The following THADA variants were observed in gnomAD, a reference collection of about 807,000 sequenced individuals.
The protein encoded by THADA is tRNA (32-2'-O)-methyltransferase regulator THADA.
Under a neutral mutation model 219.8 loss-of-function variants are expected in THADA, and 213 were observed. The ratio of observed to expected loss-of-function variants is 0.97; its 90% CI spans 0.87 to 1.09. The LOEUF (loss-of-function observed/expected upper bound fraction) is 1.09. Ranked by LOEUF, THADA falls within the 50% of genes least tolerant of loss-of-function variation. The pLI is 0.00. For missense variants in THADA, 2,956 were observed against 2,311.3 expected, an observed-to-expected ratio of 1.28 and a Z score of -5.72; for synonymous variants, 1,018 against 828.9, an observed-to-expected ratio of 1.23 and a Z score of -3.92.
chr2:43,490,673 T>C (rs980796245), intron 25 of THADA, among the ~76,000 whole-genome samples: 2 of 152,178 alleles, frequency 1.3e-5, no homozygotes, highest in African/African-American at 4.8e-5. Context: ...TGTGGTATAG[T>C]ACACTAACGT....
At chr2:43,364,712 A>T (rs972409644) in intron 29 of THADA, among the ~76,000 whole-genome samples, 8 of 152,212 alleles carry the variant, frequency 5.3e-5, no homozygotes, top group Non-Finnish European at 1.2e-4. Flanking sequence ...ATCTGCTTAT[A>T]TGCCTTCCAA....
chr2:43,339,336 A>G (rs1666824693), intron 30 of THADA, among the ~76,000 whole-genome samples: 1 of 152,230 alleles, frequency 6.6e-6, no homozygotes, highest in Non-Finnish European at 1.5e-5. Context: ...GTTGGAATGC[A>G]GTGGCATGAT....
chr2:43,398,269 T>C, intron 28 of THADA, 130 bp from the exon 29 acceptor site: 1 of 881,894 alleles, frequency 1.1e-6, no homozygotes, highest in Admixed American at 2.7e-5. Context: ...CTGCTCCTTA[T>C]CCCAAATGAT....
chr2:43,558,253 A>G (rs1430694986), intron 16 of THADA, among the ~76,000 whole-genome samples: 1 of 152,228 alleles, frequency 6.6e-6, no homozygotes, highest in Non-Finnish European at 1.5e-5. Context: ...ACGTATGTAC[A>G]CGTCCTTAGA....
At chr2:43,541,655 T>A (rs1313595536) in intron 20 of THADA, among the ~76,000 whole-genome samples, 1 of 152,030 alleles carries the variant, frequency 6.6e-6, no homozygotes. Flanking sequence ...ACTACAGGTA[T>A]GCGCCACCAC....
chr2:43,347,927 A>G (rs760382487), intron 29 of THADA, among the ~76,000 whole-genome samples: 14 of 152,098 alleles, frequency 9.2e-5, no homozygotes, highest in Non-Finnish European at 1.6e-4. Flanking sequence ...TTCTTCAGAG[A>G]GTGCTGTTGG....
At chr2:43,381,392 C>G (rs376456282) in intron 29 of THADA, among the ~76,000 whole-genome samples, 14 of 152,086 alleles carry the variant, frequency 9.2e-5, no homozygotes, top group Admixed American at 2.0e-4. Flanking sequence ...ATACTCCCCC[C>G]ACCCAGCCTC....
At position 43,323,685 on chromosome 2, in the gene THADA, C is replaced by T. The variant is rs1035030327; in HGVS notation, c.4344-3145G>A. ...TTTTGACTAGTTTTGGAGACAAAAA[C>T]AAAGACAAACTTCAGAATAGGATGT... On this transcript the variant is annotated intron_variant, in intron 30 of 37. Transcript: ENST00000405975. Among the ~76,000 whole-genome samples, 3 of 152,092 alleles carry T rather than the reference C, an allele frequency of 2.0e-5. No homozygotes were observed. In the South Asian group the frequency reaches 6.2e-4, roughly 32 times the overall value.
intron 26 of THADA, among the ~76,000 whole-genome samples, chr2:43,444,354 C>T (rs528697936): frequency 3.7e-4 from 56 of 152,292 alleles, no homozygotes; most frequent in Admixed American, 1.0e-3. Flanking sequence ...TACATTCCTC[C>T]GGAGCACTAA....
At chr2:43,355,107 A>T (rs1393013169) in intron 29 of THADA, among the ~76,000 whole-genome samples, 2 of 152,216 alleles carry the variant, frequency 1.3e-5, no homozygotes, top group African/African-American at 4.8e-5. Context: ...GCTTGAGAAC[A>T]AACTAATACA....
At chr2:43,296,857 G>T (rs952710133) in intron 31 of THADA, among the ~76,000 whole-genome samples, 2 of 147,116 alleles carry the variant, frequency 1.4e-5, no homozygotes, top group Non-Finnish European at 3.0e-5. Context: ...CCGGGAGGCA[G>T]CGGCTGGAGG....
At chr2:43,387,328 A>G (rs1021107654) in intron 29 of THADA, among the ~76,000 whole-genome samples, 2 of 152,236 alleles carry the variant, frequency 1.3e-5, no homozygotes, top group Admixed American at 6.5e-5. Context: ...GAACAAGGAC[A>G]TGAAGCAAGC....
intron 21 of THADA, among the ~76,000 whole-genome samples, chr2:43,534,279 A>ATCAGCTTATCCATCATT (rs1370041837): frequency 6.6e-6 from 1 of 152,186 alleles, no homozygotes; most frequent in African/African-American, 2.4e-5. Context: ...GATCAGAATA[A>ATCAGCTTATCCATCATT]TCAGCTTATC....
chr2:43,541,562 G>A (rs928191260), intron 20 of THADA, among the ~76,000 whole-genome samples: 8 of 151,682 alleles, frequency 5.3e-5, no homozygotes, highest in Non-Finnish European at 7.4e-5. Flanking sequence ...AGGCTGGGGT[G>A]CAGTAGCATG....
At chr2:43,339,810 G>A (rs1405632737) in intron 30 of THADA, among the ~76,000 whole-genome samples, 2 of 152,150 alleles carry the variant, frequency 1.3e-5, no homozygotes, top group Non-Finnish European at 2.9e-5. Flanking sequence ...AGCAGCAAGG[G>A]TGGCAGGGCA....
chr2:43,247,045 T>A (rs1224200411), intron 36 of THADA, among the ~76,000 whole-genome samples: 2 of 152,206 alleles, frequency 1.3e-5, no homozygotes, highest in African/African-American at 4.8e-5. Flanking sequence ...GCGGGATGGA[T>A]TGAAATTACC....
At chr2:43,364,352 A>AT (rs1175105573) in intron 29 of THADA, among the ~76,000 whole-genome samples, 1 of 152,194 alleles carries the variant, frequency 6.6e-6, no homozygotes, top group African/African-American at 2.4e-5. Context: ...CTCTAAAACG[A>AT]TTTTTCAACC....
chr2:43,591,435 T>G (rs544784007), intron 3 of THADA, among the ~76,000 whole-genome samples: 15 of 152,292 alleles, frequency 9.8e-5, no homozygotes, highest in Non-Finnish European at 1.5e-4. Flanking sequence ...TTTAAACTCA[T>G]GTCCCCACCT....
At chr2:43,428,509 G>A (rs894361575) in intron 27 of THADA, among the ~76,000 whole-genome samples, 8 of 152,170 alleles carry the variant, frequency 5.3e-5, no homozygotes, top group Non-Finnish European at 1.0e-4. Context: ...GGAGGCTGAG[G>A]TGGGAGAATC....
Sources: allele counts gnomAD v4.1 joint callset (sites outside exome capture counted in the v4.1 genomes callset), GRCh38; gene constraint gnomAD v4.1.1; transcripts MANE v1.5; gene names NCBI Gene and HGNC (gene_info 2026-07-23, HGNC 2026-07-21).